The following SEMA6A variants were observed in gnomAD, a reference collection of about 807,000 sequenced individuals.
SEMA6A encodes semaphorin 6A.
A neutral mutation model predicts 96.8 loss-of-function variants in SEMA6A; 25 were observed. The observed-to-expected ratio is 0.26, with a 90% CI of 0.19 to 0.36. The LOEUF (loss-of-function observed/expected upper bound fraction) is 0.36. Ranked by LOEUF, SEMA6A falls within the 10% of genes least tolerant of loss-of-function variation. The pLI is 1.00. For synonymous variants in SEMA6A, 612 were observed against 518.0 expected (o/e 1.18, Z -2.46); for missense variants, 1,363 against 1,323.1 (o/e 1.03, Z -0.47).
chr5:116,505,852 T>C (rs969309601), intron 1 of SEMA6A, among the ~76,000 whole-genome samples: 7 of 143,082 alleles, frequency 4.9e-5, no homozygotes, highest in African/African-American at 1.8e-4. Flanking sequence ...ATAAAAACAA[T>C]CCCATGTGGG....
At chr5:116,462,438 C>T (rs1755469532) in intron 18 of SEMA6A, among the ~76,000 whole-genome samples, 1 of 152,150 alleles carries the variant, frequency 6.6e-6, no homozygotes, top group South Asian at 2.1e-4. Context: ...CCCTAGGCTA[C>T]AATTTGAGTA....
intron 1 of SEMA6A, among the ~76,000 whole-genome samples, chr5:116,506,874 G>A (rs1758166822): frequency 6.6e-6 from 1 of 152,136 alleles, no homozygotes; most frequent in Admixed American, 6.5e-5. Context: ...AATTTTTCTT[G>A]ACATGACAAA....
At chr5:116,538,106 C>T (rs1459029586) in intron 1 of SEMA6A, among the ~76,000 whole-genome samples, 1 of 152,080 alleles carries the variant, frequency 6.6e-6, no homozygotes, top group Non-Finnish European at 1.5e-5. Context: ...ACCCGGGAGG[C>T]GGAGGTTGCA....
chr5:116,493,341 A>G lies in SEMA6A; in HGVS notation c.445-1511T>C, dbSNP rs1033024057. ...AAACAGGGATGGAATATTAAGTGGT[A>G]AATTAAAGTTGAAACCTTATCTGTA... On this transcript the variant is annotated intron_variant, in intron 6 of 18. Transcript: ENST00000343348. Among the ~76,000 whole-genome samples the G allele has an allele frequency of 2.0e-5, 3 of 151,514 alleles. No homozygotes were observed. In the East Asian group the frequency reaches 5.8e-4, roughly 29 times the overall value.
At chr5:116,449,135 A>C (rs1234501775) in intron 18 of SEMA6A, among the ~76,000 whole-genome samples, 1 of 152,220 alleles carries the variant, frequency 6.6e-6, no homozygotes, top group African/African-American at 2.4e-5. Flanking sequence ...CCAAGTGAGA[A>C]TACACATCAC....
At position 116,472,828 on chromosome 5, in the gene SEMA6A, A is replaced by G. The variant is rs1464354887; in HGVS notation, c.1729+245T>C. The stretch of plus-strand genomic sequence containing the variant: ...TGTTTAGGAATGAAAACTATAAACT[A>G]CTGCTGGATGAATGACTTCACGAAT... On this transcript the variant is annotated intron_variant, in intron 17 of 18. Transcript: ENST00000343348. 2.5e-5 allele frequency: 33 copies of G among 1,301,498 alleles called. 1 individual carries two copies. In the East Asian group the frequency reaches 8.4e-4, roughly 33 times the overall value. 80.6% of individuals were successfully genotyped at this position (1,301,498 alleles called of 1,614,324 possible).
At chr5:116,482,192 C>T (rs1756813265) in intron 11 of SEMA6A, among the ~76,000 whole-genome samples, 1 of 152,168 alleles carries the variant, frequency 6.6e-6, no homozygotes, top group Non-Finnish European at 1.5e-5. Context: ...AAGCCAGTGA[C>T]ACCTCAGATG....
intron 18 of SEMA6A, among the ~76,000 whole-genome samples, chr5:116,452,244 T>G (rs912295369): frequency 2.0e-5 from 3 of 152,200 alleles, no homozygotes; most frequent in African/African-American, 4.8e-5. Flanking sequence ...AAAACAGTAT[T>G]TGAAAAATCC....
chr5:116,504,896 C>T lies in SEMA6A; in HGVS notation c.49G>A (p.Gly17Arg), dbSNP rs761356905. 1 of 1,604,746 alleles carries T rather than the reference C, an allele frequency of 6.2e-7. No individual in the cohort carries two copies. The highest frequency in any genetic ancestry group is 1.1e-5 in the South Asian group (1 of 88,610). Residue 17 changes from glycine (G) to arginine (R), a missense_variant, in exon 2 of 19, where the codon GGG (glycine) becomes AGG (arginine). Around this residue, in one of 2 missense-constraint regions of SEMA6A, gnomAD observed 480 missense variants for 559.5 expected, o/e 0.86. Coordinates refer to ENST00000343348, the MANE Select transcript of SEMA6A (RefSeq NM_020796.5). ...LLYFTLLHFAGAGFPEDSEPI... is the reference protein window; with the variant it reads ...LLYFTLLHFARAGFPEDSEPI... ...TCAGAATCTTCTGGGAAACCAGCCC[C>T]AGCAAAGTGTAGCAGTGTGAAATAT...
intron 1 of SEMA6A, among the ~76,000 whole-genome samples, chr5:116,564,081 T>C (rs1400471014): frequency 6.6e-6 from 1 of 152,220 alleles, no homozygotes; most frequent in African/African-American, 2.4e-5. Flanking sequence ...TTAATTTACT[T>C]CACATTATTG....
intron 1 of SEMA6A, among the ~76,000 whole-genome samples, chr5:116,544,206 T>C (rs559949401): frequency 2.2e-4 from 33 of 152,322 alleles, no homozygotes; most frequent in African/African-American, 7.5e-4. Context: ...GCAGCACTGC[T>C]TGGATGCGGG....
intron 1 of SEMA6A, among the ~76,000 whole-genome samples, chr5:116,553,111 A>G (rs1427246299): frequency 6.6e-6 from 1 of 152,234 alleles, no homozygotes; most frequent in Admixed American, 6.5e-5. Context: ...TGCACATACA[A>G]TATATTATTA....
At chr5:116,560,601 G>A (rs142355932) in intron 1 of SEMA6A, among the ~76,000 whole-genome samples, 1 of 152,046 alleles carries the variant, frequency 6.6e-6, no homozygotes, top group East Asian at 1.9e-4. Flanking sequence ...CAAGCCCCAG[G>A]AGGATATTCC....
intron 3 of SEMA6A, among the ~76,000 whole-genome samples, chr5:116,501,385 A>G (rs762430172): frequency 2.6e-5 from 4 of 152,172 alleles, no homozygotes; most frequent in African/African-American, 4.8e-5. Context: ...CATTTCCCCA[A>G]TGGATGAGTA....
intron 1 of SEMA6A, among the ~76,000 whole-genome samples, chr5:116,568,137 G>A (rs1761083032): frequency 6.6e-6 from 1 of 152,126 alleles, no homozygotes; most frequent in African/African-American, 2.4e-5. Context: ...GATGAAGTAG[G>A]ATCTCTGTTA....
rs776276102 is a variant in SEMA6A at position 116,561,280 on chromosome 5, TAC to T, written c.-39+12903_-39+12904del. ...TATTATTAATAATAACACCATTAAA[TAC>T]AGTCAGTAAGCTGACTTCTAATTCT... is the stretch of plus-strand genomic sequence containing the variant. On this transcript the variant is annotated intron_variant, in intron 1 of 18. Coordinates refer to ENST00000343348, the MANE Select transcript of SEMA6A (RefSeq NM_020796.5). 2.0e-4 allele frequency among the ~76,000 whole-genome samples: 31 copies of T among 152,330 alleles called. 1 individual carries two copies. The highest frequency in any genetic ancestry group is 4.0e-4 in the Non-Finnish European group (27 of 68,042).
intron 2 of SEMA6A, chr5:116,502,529 A>C: frequency 3.8e-6 from 2 of 528,124 alleles, no homozygotes; most frequent in Non-Finnish European, 6.7e-6. Flanking sequence ...TTACACTTTC[A>C]TTTCTAGATA....
rs1029758712 is a variant in SEMA6A at position 116,446,045 on chromosome 5, T to G, written c.*568A>C. 1.3e-5 allele frequency: 2 copies of G among 152,738 alleles called. No individual in the cohort carries two copies. The highest frequency in any genetic ancestry group is 2.9e-5 in the Non-Finnish European group (2 of 68,076). 9.5% of individuals were successfully genotyped at this position (152,738 alleles called of 1,614,324 possible). ...TGTAACACTGGCGGGCATTTCACAG[T>G]ATTTGCGCATAGTAAACTTCTGCCA... is the stretch of plus-strand genomic sequence containing the variant. On this transcript the variant is annotated 3_prime_UTR_variant, in exon 19 of 19. Coordinates refer to ENST00000343348, the MANE Select transcript of SEMA6A (RefSeq NM_020796.5).
chr5:116,445,067 T>C lies in SEMA6A; in HGVS notation c.*1546A>G, dbSNP rs1190126218. 1.3e-5 allele frequency: 2 copies of C among 152,678 alleles called. No individual in the cohort carries two copies. Among genetic ancestry groups the C allele is most frequent in the African/African-American group, 2.4e-5 (1 of 41,460 alleles). The allele number at this position is 152,678 out of a possible 1,614,324, so 9.5% of individuals were successfully genotyped here. On this transcript the variant is annotated 3_prime_UTR_variant, in exon 19 of 19. Transcript: ENST00000343348. ...CAGCACAGCCAAAGGGTGGTTCCAG[T>C]TGGCACAACTAGAAGGCAGTGTGAA...
Sources: gnomAD v4.1 joint callset for allele counts (sites outside exome capture counted in the v4.1 genomes callset) on GRCh38, gnomAD v4.1.1 for gene constraint, gnomAD v4.1.1 regional missense constraint, MANE v1.5 for transcripts, NCBI Gene and HGNC (gene_info 2026-07-23, HGNC 2026-07-21) for gene names.